The following GRM7 variants were observed in gnomAD, a reference collection of about 807,000 sequenced individuals.
GRM7 encodes metabotropic glutamate receptor 7.
In GRM7, 35 loss-of-function variants were observed where a neutral mutation model predicts 84.5. That is an observed-to-expected ratio of 0.41 (90% CI 0.32 to 0.55). The LOEUF (loss-of-function observed/expected upper bound fraction) is 0.55, where lower values mean the gene tolerates loss of function less well. GRM7 is among the 20% of genes least tolerant of loss of function. GRM7 has a pLI of 0.19. For synonymous variants in GRM7, 487 were observed against 455.1 expected (o/e 1.07, Z -0.89); for missense variants, 1,003 against 1,194.6 (o/e 0.84, Z 2.36).
intron 7 of GRM7, among the ~76,000 whole-genome samples, chr3:7,464,661 T>A (rs1015451980): frequency 6.6e-6 from 1 of 151,402 alleles, no homozygotes; most frequent in African/African-American, 2.4e-5. Flanking sequence ...AAACCCCGTC[T>A]CTAAAAATAC....
At chr3:7,552,425 A>G (rs1012938619) in intron 7 of GRM7, among the ~76,000 whole-genome samples, 2 of 152,210 alleles carry the variant, frequency 1.3e-5, no homozygotes, top group Non-Finnish European at 2.9e-5. Flanking sequence ...TCCACTGGGC[A>G]GTGCCACAAT....
chr3:7,705,025 A>G (rs573375628), intron 9 of GRM7, among the ~76,000 whole-genome samples: 27 of 152,266 alleles, frequency 1.8e-4, no homozygotes, highest in African/African-American at 5.5e-4. Flanking sequence ...CTGGCTAGAC[A>G]TGATAAGCAA....
intron 2 of GRM7, among the ~76,000 whole-genome samples, chr3:7,171,877 T>G (rs531490456): frequency 6.6e-6 from 1 of 152,338 alleles, no homozygotes; most frequent in South Asian, 2.1e-4. Flanking sequence ...CTTCACAGTT[T>G]AAAGCATTCT....
At chr3:6,871,935 TC>T (rs1380770038) in intron 1 of GRM7, among the ~76,000 whole-genome samples, 2 of 151,996 alleles carry the variant, frequency 1.3e-5, no homozygotes, top group East Asian at 3.9e-4. Flanking sequence ...TTAAAAAAAA[TC>T]CCCAAACCAT....
At chr3:7,419,891 T>C (rs1696325886) in intron 5 of GRM7, among the ~76,000 whole-genome samples, 1 of 152,188 alleles carries the variant, frequency 6.6e-6, no homozygotes. Context: ...TTGCTAGTGC[T>C]TTCAAGTCAC....
At chr3:7,659,302 G>A (rs73023704) in intron 8 of GRM7, among the ~76,000 whole-genome samples, 31,321 of 152,170 alleles carry the variant, frequency 0.21, 4,081 homozygotes, top group Non-Finnish European at 0.29. Flanking sequence ...TAGCCTGTGA[G>A]TTGGAGGGAA....
At chr3:7,335,728 CAACA>C (rs1461513370) in intron 4 of GRM7, among the ~76,000 whole-genome samples, 3 of 151,896 alleles carry the variant, frequency 2.0e-5, no homozygotes, top group African/African-American at 7.2e-5. Flanking sequence ...GGAGGTATTA[CAACA>C]AATACCACAG....
chr3:7,495,087 A>G (rs1032626148), intron 7 of GRM7, among the ~76,000 whole-genome samples: 4 of 152,184 alleles, frequency 2.6e-5, no homozygotes, highest in Admixed American at 2.6e-4. Flanking sequence ...AGCAGGAGGT[A>G]GCCACTGTTA....
intron 2 of GRM7, among the ~76,000 whole-genome samples, chr3:7,256,002 G>A (rs1404706907): frequency 2.0e-5 from 3 of 152,080 alleles, no homozygotes; most frequent in African/African-American, 7.2e-5. Context: ...CCACAGTCCT[G>A]AGGCAAATGT....
intron 4 of GRM7, among the ~76,000 whole-genome samples, chr3:7,332,719 A>G (rs1028698274): frequency 5.3e-5 from 8 of 152,160 alleles, no homozygotes; most frequent in African/African-American, 1.9e-4. Context: ...ACATACCAGG[A>G]AAACTGAAAG....
chr3:7,249,306 T>C (rs1355265366), intron 2 of GRM7, among the ~76,000 whole-genome samples: 1 of 152,188 alleles, frequency 6.6e-6, no homozygotes, highest in Non-Finnish European at 1.5e-5. Flanking sequence ...CTAGAGTATA[T>C]ACGTAAATGC....
At chr3:6,901,654 A>G (rs1487661088) in intron 1 of GRM7, among the ~76,000 whole-genome samples, 2 of 145,988 alleles carry the variant, frequency 1.4e-5, no homozygotes, top group Non-Finnish European at 3.0e-5. Context: ...GAATAATTTG[A>G]AGAGAGAAAT....
intron 2 of GRM7, among the ~76,000 whole-genome samples, chr3:7,215,837 A>G (rs952449355): frequency 2.0e-5 from 3 of 152,174 alleles, no homozygotes; most frequent in African/African-American, 7.2e-5. Context: ...TCTCTTAGTC[A>G]CTATCTTCAA....
At chr3:7,345,903 G>C (rs980772851) in intron 4 of GRM7, among the ~76,000 whole-genome samples, 1 of 151,992 alleles carries the variant, frequency 6.6e-6, no homozygotes, top group Non-Finnish European at 1.5e-5. Flanking sequence ...AGTTAGGTAT[G>C]GTTGCAGCTT....
intron 1 of GRM7, among the ~76,000 whole-genome samples, chr3:7,144,696 C>A (rs1025299863): frequency 3.3e-5 from 5 of 152,218 alleles, no homozygotes; most frequent in Non-Finnish European, 5.9e-5. Context: ...GTAACCAACT[C>A]ATTCAAGTGA....
chr3:7,269,664 A>C (rs914678073), intron 2 of GRM7, among the ~76,000 whole-genome samples: 1 of 152,208 alleles, frequency 6.6e-6, no homozygotes, highest in Non-Finnish European at 1.5e-5. Flanking sequence ...ATGCATGAAG[A>C]TTCTGCTCCT....
At chr3:7,365,835 G>A (rs1315622977) in intron 4 of GRM7, among the ~76,000 whole-genome samples, 1 of 150,766 alleles carries the variant, frequency 6.6e-6, no homozygotes, top group African/African-American at 2.4e-5. Context: ...TCTCTTTGGA[G>A]GAGGTAGCTC....
chr3:7,658,558 A>T lies in GRM7; in HGVS notation c.2452-21491A>T, dbSNP rs1699300301. On this transcript the variant is annotated intron_variant, in intron 8 of 9. Transcript: ENST00000357716. The stretch of plus-strand genomic sequence containing the variant: ...GTACAAAATCCAGTGAAACTGACTC[A>T]CAGTCAATTTTTAGAGAGATAGCTG... Among the ~76,000 whole-genome samples the T allele has an allele frequency of 2.0e-5, 3 of 152,206 alleles. No homozygotes were observed. In the South Asian group the frequency reaches 6.2e-4, roughly 31 times the overall value.
intron 1 of GRM7, among the ~76,000 whole-genome samples, chr3:6,978,891 T>C (rs776986104): frequency 6.6e-6 from 1 of 152,148 alleles, no homozygotes; most frequent in Non-Finnish European, 1.5e-5. Context: ...TGGTTTAAAA[T>C]AAAGGAGTCC....
Sources: gnomAD v4.1 joint callset for allele counts (sites outside exome capture counted in the v4.1 genomes callset) on GRCh38, gnomAD v4.1.1 for gene constraint, MANE v1.5 for transcripts, NCBI Gene and HGNC (gene_info 2026-07-23, HGNC 2026-07-21) for gene names.